NALCN: variants seen among roughly 807,000 people sequenced by gnomAD.
NALCN encodes sodium leak channel NALCN.
NALCN carries 111 observed loss-of-function variants against 225.3 expected under a neutral mutation model. That is an observed-to-expected ratio of 0.49 (90% CI 0.42 to 0.58). The LOEUF (loss-of-function observed/expected upper bound fraction) is 0.58, where lower values mean the gene tolerates loss of function less well. NALCN is among the 20% of genes least tolerant of loss of function. The pLI is 0.00. For synonymous variants in NALCN, 764 were observed against 769.0 expected, an observed-to-expected ratio of 0.99 and a Z score of 0.11; for missense variants, 1,378 against 2,202.4, an observed-to-expected ratio of 0.63 and a Z score of 7.49.
At chr13:101,088,325 A>G (rs1023016039) in intron 30 of NALCN, among the ~76,000 whole-genome samples, 1 of 152,178 alleles carries the variant, frequency 6.6e-6, no homozygotes, top group African/African-American at 2.4e-5. Context: ...TCCCATGTGT[A>G]GCAACACAAA....
chr13:101,160,094 A>G (rs1010757364), intron 15 of NALCN, among the ~76,000 whole-genome samples: 1 of 152,082 alleles, frequency 6.6e-6, no homozygotes, highest in African/African-American at 2.4e-5. Context: ...AGCTGGGACT[A>G]CAGGTACACA....
chr13:101,396,517 G>A (rs2047298630), intron 2 of NALCN, among the ~76,000 whole-genome samples: 1 of 152,216 alleles, frequency 6.6e-6, no homozygotes, highest in South Asian at 2.1e-4. Flanking sequence ...AGAACTTTCA[G>A]GAGACTCAGA....
chr13:101,123,896 AG>A (rs111726314), intron 18 of NALCN, among the ~76,000 whole-genome samples: 12 of 152,312 alleles, frequency 7.9e-5, no homozygotes, highest in African/African-American at 2.6e-4. Context: ...GCAGGTTTGC[AG>A]GGGGCTTCCT....
intron 9 of NALCN, among the ~76,000 whole-genome samples, chr13:101,290,408 C>T (rs985325805): frequency 6.6e-6 from 1 of 152,172 alleles, no homozygotes; most frequent in African/African-American, 2.4e-5. Context: ...CTTCTAGAGG[C>T]TGCCACCTCG....
intron 13 of NALCN, among the ~76,000 whole-genome samples, chr13:101,216,217 T>TAA (rs1183623382): frequency 2.0e-5 from 3 of 152,138 alleles, no homozygotes; most frequent in African/African-American, 7.2e-5. Context: ...CTCATTTAGG[T>TAA]AACTCTCATA....
chr13:101,222,118 A>T (rs1019789284), intron 13 of NALCN, among the ~76,000 whole-genome samples: 2 of 151,778 alleles, frequency 1.3e-5, no homozygotes, highest in South Asian at 4.2e-4. Context: ...CTTATGGGAG[A>T]CTCCTTCTCA....
At chr13:101,416,139 G>T (rs1209839486) in intron 1 of NALCN, among the ~76,000 whole-genome samples, 174 bp downstream of exon 1, 3 of 103,788 alleles carry the variant, frequency 2.9e-5, no homozygotes, top group Non-Finnish European at 6.1e-5. Context: ...CCCCTCCCCC[G>T]CGCGGGGCCC....
chr13:101,296,359 T>C (rs1407910572), intron 7 of NALCN, among the ~76,000 whole-genome samples: 2 of 152,224 alleles, frequency 1.3e-5, no homozygotes, highest in African/African-American at 2.4e-5. Context: ...TCAATATTAA[T>C]ACTGCACAGA....
intron 13 of NALCN, among the ~76,000 whole-genome samples, chr13:101,223,320 G>C (rs1188132604): frequency 6.6e-6 from 1 of 152,114 alleles, no homozygotes; most frequent in Non-Finnish European, 1.5e-5. Context: ...CAAGCCAGGG[G>C]ACACCTTCCA....
chr13:101,127,440 C>G (rs1386966325), intron 17 of NALCN, among the ~76,000 whole-genome samples: 1 of 152,266 alleles, frequency 6.6e-6, no homozygotes, highest in South Asian at 2.1e-4. Context: ...CTCACTGCAA[C>G]CTCCGCCCCC....
Position 101,334,184 on chromosome 13 carries a change from G to GCA in NALCN, c.799+11080_799+11081dup, listed in dbSNP as rs58928750. 7.6e-3 allele frequency among the ~76,000 whole-genome samples: 1,150 copies of GCA among 151,128 alleles called. 9 individuals carry two copies. Among genetic ancestry groups the GCA allele is most frequent in the South Asian group, 0.019 (91 of 4,760 alleles). The stretch of plus-strand genomic sequence containing the variant: ...AAAACACACACAGGCACGCACGTGT[G>GCA]CACACACACACACACACTCCCAGAC... On this transcript the variant is annotated intron_variant, in intron 7 of 43. Coordinates refer to ENST00000251127, the MANE Select transcript of NALCN (RefSeq NM_052867.4).
At chr13:101,355,492 G>A (rs2046029199) in intron 6 of NALCN, among the ~76,000 whole-genome samples, 1 of 152,056 alleles carries the variant, frequency 6.6e-6, no homozygotes, top group Non-Finnish European at 1.5e-5. Flanking sequence ...TCAACAAGAA[G>A]AGCTAACTAT....
At chr13:101,287,888 G>C (rs746662585) in intron 9 of NALCN, among the ~76,000 whole-genome samples, 4 of 152,192 alleles carry the variant, frequency 2.6e-5, no homozygotes, top group Non-Finnish European at 5.9e-5. Flanking sequence ...ATAGTGGTAA[G>C]AGAAAGAATC....
chr13:101,395,975 A>C (rs1431475018), intron 2 of NALCN, among the ~76,000 whole-genome samples: 1 of 152,158 alleles, frequency 6.6e-6, no homozygotes, highest in Non-Finnish European at 1.5e-5. Flanking sequence ...ATAAAAATAC[A>C]AAGAAACTTT....
rs1158032681 is a variant in NALCN at position 101,242,587 on chromosome 13, T to C, written c.1267-4665A>G. Reference sequence around the variant, plus strand: ...ACAAATTTATTACTAGTTTCTTTAATGTTATCATTTCTCTTTTTTCAAAGA... The same window carrying C: ...ACAAATTTATTACTAGTTTCTTTAACGTTATCATTTCTCTTTTTTCAAAGA... On this transcript the variant is annotated intron_variant, in intron 11 of 43. Coordinates refer to ENST00000251127, the MANE Select transcript of NALCN (RefSeq NM_052867.4). Among the ~76,000 whole-genome samples, 3 of 106,342 alleles carry C rather than the reference T, an allele frequency of 2.8e-5. 1 individual carries two copies. The highest frequency in any genetic ancestry group is 1.0e-4 in the African/African-American group (3 of 29,720). The allele number at this position is 106,342 out of a possible 152,430, so 69.8% of individuals were successfully genotyped here. A position where few individuals can be genotyped will look rare whatever the true frequency, so the allele number is the denominator to read the frequency against.
chr13:101,395,081 A>G (rs2047249113), intron 3 of NALCN, 102 bp downstream of exon 3: 2 of 1,169,544 alleles, frequency 1.7e-6, no homozygotes, highest in Admixed American at 2.7e-5. Flanking sequence ...ATAAGATAAA[A>G]TGATGTTTTG....
intron 14 of NALCN, among the ~76,000 whole-genome samples, chr13:101,178,579 C>A (rs2039059712): frequency 6.6e-6 from 1 of 152,186 alleles, no homozygotes; most frequent in Non-Finnish European, 1.5e-5. Flanking sequence ...GCCTCCGTCT[C>A]CCCTTCTCCG....
chr13:101,081,432 G>A (rs541983434), intron 34 of NALCN, 95 bp downstream of exon 34: 10 of 1,566,130 alleles, frequency 6.4e-6, no homozygotes, highest in Middle Eastern at 3.4e-4. Context: ...CTCAGAGCAG[G>A]TTGATGTGGA....
intron 40 of NALCN, 34 bp downstream of exon 40, chr13:101,065,370 C>T (rs200014431): frequency 1.9e-6 from 3 of 1,609,870 alleles, no homozygotes; most frequent in East Asian, 4.5e-5. Context: ...TGGTTTCTGG[C>T]CCCCATTCAG....
Sources: gnomAD v4.1 joint callset for allele counts (sites outside exome capture counted in the v4.1 genomes callset) on GRCh38, gnomAD v4.1.1 for gene constraint, MANE v1.5 for transcripts, NCBI Gene and HGNC (gene_info 2026-07-23, HGNC 2026-07-21) for gene names.